PLAC1: variants seen among roughly 807,000 people sequenced by gnomAD.
PLAC1 encodes the protein placenta-specific protein 1.
For missense variants in PLAC1, 136 were observed against 163.2 expected (o/e 0.83, Z 0.91); for synonymous variants, 68 against 62.1 (o/e 1.09, Z -0.44).
At chrX:134,574,055 TTCTC>T (rs1329519488) in intron 2 of PLAC1, among the ~76,000 whole-genome samples, 3 of 105,229 alleles carry the variant, frequency 2.9e-5, no homozygotes, top group South Asian at 8.2e-4. Flanking sequence ...AAGATAAATT[TTCTC>T]TCTCTCTCTC....
chrX:134,744,182 T>G (rs1176188762), intron 1 of PLAC1, among the ~76,000 whole-genome samples: 1 of 106,974 alleles, frequency 9.3e-6, no homozygotes, highest in East Asian at 2.9e-4. Context: ...CTAAGGAGGC[T>G]GAGGCAGAAG....
chrX:134,677,792 T>C (rs2078480491), intron 2 of PLAC1, among the ~76,000 whole-genome samples: 1 of 111,628 alleles, frequency 9.0e-6, no homozygotes, highest in African/African-American at 3.3e-5. Flanking sequence ...TCGATTTGGC[T>C]CTTGTGTCAC....
At chrX:134,579,783 T>C (rs183491678) in intron 2 of PLAC1, among the ~76,000 whole-genome samples, 2 of 111,304 alleles carry the variant, frequency 1.8e-5, no homozygotes, top group East Asian at 5.6e-4. Flanking sequence ...CTCTAGAACT[T>C]AGGACAGTGA....
At chrX:134,615,327 A>G (rs1340307342) in intron 1 of PLAC1, among the ~76,000 whole-genome samples, 1 of 112,051 alleles carries the variant, frequency 8.9e-6, no homozygotes, top group Non-Finnish European at 1.9e-5. Context: ...CTTAATGATT[A>G]GTGATATTGT....
chrX:134,687,971 TGG>T (rs1372661375), intron 2 of PLAC1, among the ~76,000 whole-genome samples: 1 of 103,285 alleles, frequency 9.7e-6, no homozygotes, highest in East Asian at 3.1e-4. Context: ...GTGCTAGCTC[TGG>T]GAACTTAGAG....
chrX:134,743,324 C>T, intron 1 of PLAC1, among the ~76,000 whole-genome samples: 1 of 111,995 alleles, frequency 8.9e-6, no homozygotes, highest in South Asian at 3.7e-4. Flanking sequence ...ACCAAAAGCC[C>T]TTGGGGAAAG....
intron 2 of PLAC1, among the ~76,000 whole-genome samples, chrX:134,708,312 T>C (rs2078614523): frequency 9.0e-6 from 1 of 111,534 alleles, no homozygotes; most frequent in Admixed American, 9.6e-5. Context: ...GGAGTAACTA[T>C]TGACACACAC....
At chrX:134,685,076 C>T (rs1230685402) in intron 2 of PLAC1, among the ~76,000 whole-genome samples, 1 of 112,412 alleles carries the variant, frequency 8.9e-6, no homozygotes, top group Non-Finnish European at 1.9e-5. Context: ...TCAGTCTCTA[C>T]AGAGGAGTAG....
At chrX:134,703,773 C>T (rs1225899557) in intron 2 of PLAC1, among the ~76,000 whole-genome samples, 1 of 109,044 alleles carries the variant, frequency 9.2e-6, no homozygotes, top group Non-Finnish European at 1.9e-5. Context: ...TGACCAATTC[C>T]GGGGGGTATT....
At chrX:134,603,295 A>T (rs866944522) in intron 1 of PLAC1, among the ~76,000 whole-genome samples, 28 of 2,865 alleles carry the variant, frequency 9.8e-3, no homozygotes, top group African/African-American at 0.024. Context: ...ATATATATAT[A>T]TATATATATA....
intron 2 of PLAC1, among the ~76,000 whole-genome samples, chrX:134,573,555 T>C (rs925372762): frequency 9.0e-6 from 1 of 111,536 alleles, no homozygotes; most frequent in Non-Finnish European, 1.9e-5. Flanking sequence ...TTGAATCAGA[T>C]GTTCCTTCAA....
At chrX:134,573,967 C>T (rs762806203) in intron 2 of PLAC1, among the ~76,000 whole-genome samples, 13 of 111,173 alleles carry the variant, frequency 1.2e-4, no homozygotes, top group Non-Finnish European at 1.7e-4. Context: ...TCATTGTTAG[C>T]GAGCCTACAA....
intron 2 of PLAC1, among the ~76,000 whole-genome samples, chrX:134,590,935 T>G (rs746579809): frequency 1.9e-5 from 2 of 104,370 alleles, no homozygotes; most frequent in Non-Finnish European, 3.9e-5. Flanking sequence ...AAGAGACATT[T>G]TAACATCAGT....
intron 1 of PLAC1, chrX:134,606,206 C>T (rs1181265952): frequency 1.9e-5 from 2 of 108,044 alleles, no homozygotes; most frequent in Non-Finnish European, 1.9e-5. Context: ...CGCACCACTG[C>T]ACTCCAGCCC....
chrX:134,608,800 C>T (rs1453929522), intron 1 of PLAC1, among the ~76,000 whole-genome samples: 2 of 107,878 alleles, frequency 1.9e-5, no homozygotes, highest in African/African-American at 3.4e-5. Context: ...CTCAGCCTCC[C>T]GAGTAGCTGG....
intron 2 of PLAC1, among the ~76,000 whole-genome samples, chrX:134,570,870 A>C (rs1431929715): frequency 8.9e-6 from 1 of 112,250 alleles, no homozygotes; most frequent in African/African-American, 3.2e-5. Flanking sequence ...GAACTCCCTA[A>C]TAAGCCTTAA....
rs916450317 is a variant in PLAC1, at chrX:134,613,763, G to T, written c.-130-11641C>A. On this transcript the variant is annotated intron_variant, in intron 1 of 2. Transcript: ENST00000359237. ...CCCCTTTCTCTGTTTCTATGGCTTC[G>T]TCCTAGCCCAGACTCTGATCATTGA... Among the ~76,000 whole-genome samples, 3 of 110,107 alleles carry T rather than the reference G, an allele frequency of 2.7e-5. No homozygotes were observed. In the Admixed American group the frequency reaches 2.9e-4, roughly 11 times the overall value.
At chrX:134,679,480 G>A (rs150298995) in intron 2 of PLAC1, among the ~76,000 whole-genome samples, 65 of 111,181 alleles carry the variant, frequency 5.8e-4, no homozygotes, top group African/African-American at 2.0e-3. Context: ...CTATTCAGCT[G>A]TGCTCTCAAC....
intron 2 of PLAC1, among the ~76,000 whole-genome samples, chrX:134,568,239 C>A (rs1009173581): frequency 1.3e-4 from 15 of 112,820 alleles, no homozygotes; most frequent in African/African-American, 4.2e-4. Context: ...AGATAAGTAA[C>A]CCCTGCACAA....
Sources: gnomAD v4.1 joint callset for allele counts (sites outside exome capture counted in the v4.1 genomes callset) on GRCh38, gnomAD v4.1.1 for gene constraint, MANE v1.5 for transcripts, NCBI Gene and HGNC (gene_info 2026-07-23, HGNC 2026-07-21) for gene names.